CTNND2: variants seen among roughly 807,000 people sequenced by gnomAD.
The protein encoded by CTNND2 is catenin delta 2, also known as catenin delta-2.
A neutral mutation model predicts 144.4 loss-of-function variants in CTNND2; 22 were observed. The observed-to-expected ratio is 0.15, with a 90% CI of 0.11 to 0.22. The LOEUF (loss-of-function observed/expected upper bound fraction) is 0.22, where lower values mean the gene tolerates loss of function less well. Among genes scored for constraint, CTNND2 ranks in the 10% least tolerant of loss-of-function variants. The pLI is 1.00. For synonymous variants in CTNND2, 751 were observed against 695.6 expected, an observed-to-expected ratio of 1.08 and a Z score of -1.25; for missense variants, 1,353 against 1,618.8, an observed-to-expected ratio of 0.84 and a Z score of 2.82.
At chr5:10,985,591 A>G (rs1737838701) in intron 20 of CTNND2, among the ~76,000 whole-genome samples, 5 of 152,228 alleles carry the variant, frequency 3.3e-5, no homozygotes, top group Admixed American at 2.0e-4. Context: ...TGTGGTTTTC[A>G]TATCAGAGGG....
intron 12 of CTNND2, among the ~76,000 whole-genome samples, chr5:11,119,388 C>T (rs551122709): frequency 6.6e-6 from 1 of 152,202 alleles, no homozygotes; most frequent in African/African-American, 2.4e-5. Flanking sequence ...CGAATATAAA[C>T]AAAATTTCTC....
At chr5:11,312,438 C>T (rs1007149373) in intron 9 of CTNND2, among the ~76,000 whole-genome samples, 17 of 152,046 alleles carry the variant, frequency 1.1e-4, no homozygotes, top group African/African-American at 3.1e-4. Context: ...TACATGGCAG[C>T]GGCAAGAGAA....
At chr5:11,738,513 A>G (rs1787824836) in intron 1 of CTNND2, among the ~76,000 whole-genome samples, 2 of 152,332 alleles carry the variant, frequency 1.3e-5, no homozygotes, top group South Asian at 4.1e-4. Context: ...GCATTTTGGA[A>G]GGCCAAACTC....
chr5:11,188,593 C>G (rs563007429), intron 11 of CTNND2, among the ~76,000 whole-genome samples: 1 of 152,058 alleles, frequency 6.6e-6, no homozygotes, highest in Non-Finnish European at 1.5e-5. Context: ...ATCCTGTACA[C>G]GTACCCTGGA....
intron 11 of CTNND2, among the ~76,000 whole-genome samples, chr5:11,175,374 G>A (rs952608668): frequency 1.3e-5 from 2 of 152,088 alleles, no homozygotes; most frequent in African/African-American, 4.8e-5. Context: ...ATCACCCAGA[G>A]ATAATGAGAT....
intron 3 of CTNND2, among the ~76,000 whole-genome samples, chr5:11,542,030 C>G (rs1774806336): frequency 6.6e-6 from 1 of 152,036 alleles, no homozygotes; most frequent in South Asian, 2.1e-4. Context: ...GTAGGGACAT[C>G]ATCACCCCCT....
chr5:11,542,007 T>C (rs1184381690), intron 3 of CTNND2, among the ~76,000 whole-genome samples: 1 of 151,788 alleles, frequency 6.6e-6, no homozygotes, highest in Non-Finnish European at 1.5e-5. Flanking sequence ...AAAAAAAAAC[T>C]ATTTTTGTCC....
intron 9 of CTNND2, among the ~76,000 whole-genome samples, chr5:11,242,076 T>C (rs1456194916): frequency 6.6e-6 from 1 of 152,132 alleles, no homozygotes; most frequent in African/African-American, 2.4e-5. Context: ...GATGAGATCA[T>C]GAAAGATCAT....
chr5:11,820,731 A>G (rs1793263807), intron 1 of CTNND2, among the ~76,000 whole-genome samples: 1 of 152,200 alleles, frequency 6.6e-6, no homozygotes. Context: ...GGGGAACTCA[A>G]TAATTCTTGC....
chr5:11,620,616 A>G (rs1245799575), intron 2 of CTNND2, among the ~76,000 whole-genome samples: 1 of 152,160 alleles, frequency 6.6e-6, no homozygotes, highest in African/African-American at 2.4e-5. Context: ...GGGAACTATG[A>G]GTAAAGAACT....
intron 3 of CTNND2, among the ~76,000 whole-genome samples, chr5:11,434,511 T>C (rs903171125): frequency 4.6e-5 from 7 of 152,082 alleles, no homozygotes; most frequent in Non-Finnish European, 7.4e-5. Flanking sequence ...AAGGAAAAAA[T>C]AGGGACTGAA....
chr5:11,670,033 G>T (rs1302107233), intron 2 of CTNND2, among the ~76,000 whole-genome samples: 1 of 152,160 alleles, frequency 6.6e-6, no homozygotes, highest in African/African-American at 2.4e-5. Flanking sequence ...GGAGCAGGTT[G>T]TTCAGTTTCC....
At chr5:11,744,389 C>A (rs1232021764) in intron 1 of CTNND2, among the ~76,000 whole-genome samples, 1 of 152,108 alleles carries the variant, frequency 6.6e-6, no homozygotes, top group African/African-American at 2.4e-5. Context: ...GCTCTCAGGG[C>A]AGAACTGACA....
At position 11,533,981 on chromosome 5, in the gene CTNND2, C is replaced by A. The variant is rs558423847; in HGVS notation, c.287+30963G>T. Among the ~76,000 whole-genome samples, 10 of 152,306 alleles carry A rather than the reference C, an allele frequency of 6.6e-5. No individual in the cohort carries two copies. The East Asian group carries it at 1.9e-3, about 29-fold the overall frequency. ...TAAGAATGGATGCATTCACAACATG[C>A]AGGCTTCTGTATAGCAGTGAATTTT... On this transcript the variant is annotated intron_variant, in intron 3 of 21. Coordinates refer to ENST00000304623, the MANE Select transcript of CTNND2 (RefSeq NM_001332.4).
At chr5:11,104,264 A>C (rs1008766792) in intron 14 of CTNND2, among the ~76,000 whole-genome samples, 1 of 152,204 alleles carries the variant, frequency 6.6e-6, no homozygotes, top group Non-Finnish European at 1.5e-5. Context: ...GCAGATCTGC[A>C]GCATCAGGGA....
chr5:11,073,312 A>G lies in CTNND2; in HGVS notation c.2788+9384T>C, dbSNP rs374608418. 4.5e-4 allele frequency among the ~76,000 whole-genome samples: 68 copies of G among 152,274 alleles called. 2 individuals are homozygous for G. The South Asian group carries it at 0.013, about 30-fold the overall frequency. Reference sequence around the variant, plus strand: ...TTGGCTGTGGTATTTGAGGAGAGCCATTTCATTTCTCATGCATCCTCTTTT... The same window carrying G: ...TTGGCTGTGGTATTTGAGGAGAGCCGTTTCATTTCTCATGCATCCTCTTTT... On this transcript the variant is annotated intron_variant, in intron 16 of 21. Coordinates refer to ENST00000304623, the MANE Select transcript of CTNND2 (RefSeq NM_001332.4).
intron 6 of CTNND2, among the ~76,000 whole-genome samples, chr5:11,386,968 T>C (rs899258763): frequency 1.3e-5 from 2 of 152,158 alleles, no homozygotes. Flanking sequence ...TTTGCTTCTC[T>C]CCCAGTGGCA....
chr5:11,727,523 T>C (rs1787089390), intron 2 of CTNND2, among the ~76,000 whole-genome samples: 1 of 152,224 alleles, frequency 6.6e-6, no homozygotes, highest in African/African-American at 2.4e-5. Context: ...TGCATGCTTT[T>C]TTTTTCATTT....
intron 16 of CTNND2, among the ~76,000 whole-genome samples, chr5:11,077,165 G>C (rs10051251): frequency 0.05 from 7,628 of 152,106 alleles, 263 homozygotes; most frequent in African/African-American, 0.088. Context: ...CTACAGATTG[G>C]GCATTGTTCT....
Sources: gnomAD v4.1 joint callset for allele counts (sites outside exome capture counted in the v4.1 genomes callset) on GRCh38, gnomAD v4.1.1 for gene constraint, MANE v1.5 for transcripts, NCBI Gene and HGNC (gene_info 2026-07-23, HGNC 2026-07-21) for gene names.